Variants in BAHD1 observed in about 807,000 individuals in gnomAD.
BAHD1 encodes bromo adjacent homology domain containing 1, also known as bromo adjacent homology domain-containing 1 protein.
Under a neutral mutation model 63.1 loss-of-function variants are expected in BAHD1, and 20 were observed. The observed-to-expected ratio is 0.32, with a 90% CI of 0.22 to 0.46. The LOEUF (loss-of-function observed/expected upper bound fraction) is 0.46, where lower values mean the gene tolerates loss of function less well. Ranked by LOEUF, BAHD1 falls within the 20% of genes least tolerant of loss-of-function variation. The probability of loss-of-function intolerance (pLI) is 1.00; values close to 1 mark genes in which losing one functional copy is unlikely to be tolerated. For missense variants in BAHD1, 939 were observed against 1,071.8 expected (o/e 0.88, Z 1.73); for synonymous variants, 408 against 426.8 (o/e 0.96, Z 0.54).
intron 5 of BAHD1, 91 bp downstream of exon 5, chr15:40,464,638 G>A: frequency 9.1e-7 from 1 of 1,100,024 alleles, no homozygotes; most frequent in Non-Finnish European, 1.3e-6. Flanking sequence ...GGCAGCCATG[G>A]GCTGTAGTCA....
chr15:40,437,838 A>G (rs1893308195), upstream of BAHD1, among the ~76,000 whole-genome samples: 1 of 152,054 alleles, frequency 6.6e-6, no homozygotes, highest in Non-Finnish European at 1.5e-5. Flanking sequence ...GAGATGACCG[A>G]GCAGCCAGTC....
chr15:40,456,027 C>A (rs1053326771), intron 1 of BAHD1, among the ~76,000 whole-genome samples: 2 of 152,230 alleles, frequency 1.3e-5, no homozygotes, highest in Non-Finnish European at 2.9e-5. Flanking sequence ...GGCTGGAGTG[C>A]AGTGGCACGA....
chr15:40,445,269 A>AAC (rs1555408422), intron 1 of BAHD1, among the ~76,000 whole-genome samples: 2 of 151,386 alleles, frequency 1.3e-5, no homozygotes, highest in South Asian at 2.1e-4. Context: ...AAAAAAAAAA[A>AAC]AAAAAAACAA....
intron 2 of BAHD1, among the ~76,000 whole-genome samples, chr15:40,460,693 C>A (rs1894014179): frequency 6.6e-6 from 1 of 152,148 alleles, no homozygotes; most frequent in African/African-American, 2.4e-5. Context: ...CTGCCTGCCT[C>A]CTGGGTGGAA....
chr15:40,462,227 G>T lies in BAHD1; in HGVS notation c.1748G>T (p.Arg583Leu). ...GTCCAGCGCCCACGCCCTCGCCGCC[G>T]CCGTCGCCGCCGCACTAATGGCTGG... ...PRVQRPRPRR[R>L]RRRRTNGWVP... The change falls in exon 3 of 7, where the codon CGC (arginine) becomes CTC (leucine). Residue 583 changes from arginine to leucine, a missense_variant. Physicochemically the swap from Arg to Leu is moderately radical, Grantham distance 102. Around this residue, in one of 5 missense-constraint regions of BAHD1, gnomAD observed 797 missense variants for 813.3 expected, o/e 0.98. Transcript: ENST00000416165. The T allele has an allele frequency of 1.2e-6, 2 of 1,611,176 alleles. No individual in the cohort carries two copies. Among genetic ancestry groups the T allele is most frequent in the Non-Finnish European group, 1.7e-6 (2 of 1,178,932 alleles).
rs573862318 is a variant in BAHD1 at position 40,467,228 on chromosome 15, T to A, written c.*1098T>A. ...TTGTTCCTGTTGCCCAGAGGCCCTG[T>A]TCTCACCTCATGCTGCTCCCCAGAG... On this transcript the variant is annotated 3_prime_UTR_variant, in exon 7 of 7. Transcript: ENST00000416165. 1 of 152,950 alleles carries A rather than the reference T, an allele frequency of 6.5e-6. No individual in the cohort carries two copies. Among genetic ancestry groups the A allele is most frequent in the African/African-American group, 2.4e-5 (1 of 41,600 alleles). The allele number at this position is 152,950 out of a possible 1,614,324, so 9.5% of individuals were successfully genotyped here.
intron 1 of BAHD1, among the ~76,000 whole-genome samples, chr15:40,450,206 G>C (rs1893661670): frequency 6.6e-6 from 1 of 152,234 alleles, no homozygotes; most frequent in South Asian, 2.1e-4. Flanking sequence ...TGGGTAGGGT[G>C]CCCATAACTC....
Position 40,459,658 on chromosome 15 carries a change from G to T in BAHD1, c.1194G>T (p.Met398Ile). 3.1e-6 allele frequency: 5 copies of T among 1,614,128 alleles called. No homozygotes were observed. The highest frequency in any genetic ancestry group is 4.2e-6 in the Non-Finnish European group (5 of 1,180,010). The change falls in exon 2 of 7, where the codon ATG becomes ATT. Residue 398 changes from methionine to isoleucine, a missense_variant. This residue lies in a region of BAHD1 where 797 missense variants were observed against 813.3 expected (regional missense o/e 0.98). Coordinates refer to ENST00000416165, the MANE Select transcript of BAHD1 (RefSeq NM_014952.5). ...LQCGGYSPCPMLPEGKLSPVA... is the reference protein window; with the variant it reads ...LQCGGYSPCPILPEGKLSPVA... ...GTGGGGGCTACTCGCCCTGCCCCATGCTTCCTGAGGGCAAGCTGTCCCCAG... is the reference window on the plus strand; with the variant it reads ...GTGGGGGCTACTCGCCCTGCCCCATTCTTCCTGAGGGCAAGCTGTCCCCAG...
At chr15:40,441,558 C>A (rs868852495) in intron 1 of BAHD1, among the ~76,000 whole-genome samples, 17 of 149,566 alleles carry the variant, frequency 1.1e-4, no homozygotes, top group African/African-American at 3.9e-4. Context: ...GGGGGCCGCC[C>A]GCCTTGCAGG....
At chr15:40,445,652 A>C (rs1893521230) in intron 1 of BAHD1, among the ~76,000 whole-genome samples, 1 of 152,256 alleles carries the variant, frequency 6.6e-6, no homozygotes. Flanking sequence ...TTTATGGAGC[A>C]TTATACGAAC....
intron 1 of BAHD1, 137 bp downstream of exon 1, chr15:40,441,405 C>G (rs1893397292): frequency 1.3e-5 from 2 of 150,898 alleles, no homozygotes. Flanking sequence ...CGCCACCGCC[C>G]CCGCCAGCCC....
chr15:40,465,639 C>A (rs1208149609), intron 6 of BAHD1, among the ~76,000 whole-genome samples: 30 of 152,198 alleles, frequency 2.0e-4, no homozygotes. Flanking sequence ...AATTGTGTTG[C>A]CACACTGAGG....
intron 1 of BAHD1, among the ~76,000 whole-genome samples, chr15:40,457,199 C>T (rs775350704): frequency 6.6e-6 from 1 of 152,222 alleles, no homozygotes; most frequent in Non-Finnish European, 1.5e-5. Context: ...TGTGTTAGTG[C>T]TTCTCTTTGA....
chr15:40,461,794 G>A (rs1181001585), intron 2 of BAHD1, 118 bp from the exon 3 acceptor site: 22 of 1,322,046 alleles, frequency 1.7e-5, no homozygotes, highest in Middle Eastern at 2.7e-4. Flanking sequence ...TGATCCCATC[G>A]GCCACCTCAG....
chr15:40,445,697 G>A (rs1893523060), intron 1 of BAHD1, among the ~76,000 whole-genome samples: 1 of 152,224 alleles, frequency 6.6e-6, no homozygotes, highest in African/African-American at 2.4e-5. Context: ...TTTTATGAAT[G>A]GGTTGTGAAG....
chr15:40,464,169 CTGCTGCCGAGGGCTG>C, intron 4 of BAHD1, 149 bp downstream of exon 4: 1 of 979,874 alleles, frequency 1.0e-6, no homozygotes. Context: ...TGGGGTCTCT[CTGCTGCCGAGGGCTG>C]TGGGTGACCT....
intron 1 of BAHD1, among the ~76,000 whole-genome samples, chr15:40,456,284 A>C (rs1008865712): frequency 6.6e-6 from 1 of 152,198 alleles, no homozygotes; most frequent in African/African-American, 2.4e-5. Context: ...GGCATTGCCA[A>C]TAAGCCTGCT....
chr15:40,461,612 C>T (rs560499593), intron 2 of BAHD1, among the ~76,000 whole-genome samples: 2 of 152,050 alleles, frequency 1.3e-5, no homozygotes, highest in Non-Finnish European at 2.9e-5. Context: ...TGCACTCTAG[C>T]CTGGGCAACA....
intron 3 of BAHD1, 111 bp downstream of exon 3, chr15:40,462,405 C>T: frequency 1.4e-6 from 2 of 1,409,944 alleles, no homozygotes; most frequent in South Asian, 1.4e-5. Context: ...TGAGAGCTGA[C>T]AAGGGACTCC....
Sources: allele counts gnomAD v4.1 joint callset (sites outside exome capture counted in the v4.1 genomes callset), GRCh38; gene constraint gnomAD v4.1.1; regional missense constraint gnomAD v4.1.1; transcripts MANE v1.5; gene names NCBI Gene and HGNC (gene_info 2026-07-23, HGNC 2026-07-21).